HELLS: variants seen among roughly 807,000 people sequenced by gnomAD.
The protein encoded by HELLS is helicase, lymphoid specific, also known as lymphoid-specific helicase.
Under a neutral mutation model 120.0 loss-of-function variants are expected in HELLS, and 32 were observed. The observed-to-expected ratio is 0.27, with a 90% CI of 0.20 to 0.36. The LOEUF (loss-of-function observed/expected upper bound fraction) is 0.36. HELLS is among the 10% of genes least tolerant of loss of function. HELLS has a pLI of 1.00. For missense variants in HELLS, 650 were observed against 993.4 expected (o/e 0.65, Z 4.65); for synonymous variants, 341 against 323.4 (o/e 1.05, Z -0.58).
intron 10 of HELLS, 93 bp downstream of exon 10, chr10:94,576,898 A>AT (rs540746312): frequency 1.1e-3 from 1,290 of 1,168,846 alleles, no homozygotes; most frequent in South Asian, 1.6e-3. Context: ...CATTTGTCTA[A>AT]TTTTTTTTTG....
At chr10:94,597,265 A>G (rs2274417) in intron 21 of HELLS, among the ~76,000 whole-genome samples, 154 bp downstream of exon 21, 55,948 of 152,036 alleles carry the variant, frequency 0.37, 10,845 homozygotes, top group East Asian at 0.68. Flanking sequence ...AATCTCAGAC[A>G]TGACATTTTG....
At chr10:94,567,900 C>A (rs1201042734) in intron 6 of HELLS, among the ~76,000 whole-genome samples, 4 of 142,682 alleles carry the variant, frequency 2.8e-5, no homozygotes, top group African/African-American at 1.0e-4. Context: ...GAGAATGAAA[C>A]CCTGGTTTTT....
intron 1 of HELLS, 141 bp downstream of exon 1, chr10:94,546,093 C>T (rs1005693574): frequency 1.1e-5 from 11 of 1,009,514 alleles, no homozygotes; most frequent in Middle Eastern, 2.9e-4. Flanking sequence ...GAAACTGCAA[C>T]GGTGAGTGGA....
intron 12 of HELLS, among the ~76,000 whole-genome samples, chr10:94,587,651 C>T (rs560640727): frequency 6.6e-6 from 1 of 152,336 alleles, no homozygotes; most frequent in South Asian, 2.1e-4. Flanking sequence ...TGGTCTCAAA[C>T]TCTTGACCCA....
intron 2 of HELLS, among the ~76,000 whole-genome samples, chr10:94,552,457 G>A (rs1275633491): frequency 6.6e-6 from 1 of 152,088 alleles, no homozygotes; most frequent in Non-Finnish European, 1.5e-5. Context: ...CCTGAAATCT[G>A]ACTTCTCCAG....
downstream of HELLS, among the ~76,000 whole-genome samples, chr10:94,602,875 T>A (rs956674984): frequency 1.3e-5 from 2 of 152,190 alleles, no homozygotes; most frequent in Non-Finnish European, 2.9e-5. Context: ...TGACCTAGGC[T>A]TGCTTGAAAC....
chr10:94,604,624 C>T (rs1338013061), downstream of HELLS, among the ~76,000 whole-genome samples: 1 of 152,148 alleles, frequency 6.6e-6, no homozygotes, highest in Non-Finnish European at 1.5e-5. Context: ...ATTCCTACCA[C>T]CTCTCACCAC....
At chr10:94,592,025 T>C (rs1471009950) in intron 15 of HELLS, among the ~76,000 whole-genome samples, 2 of 152,196 alleles carry the variant, frequency 1.3e-5, no homozygotes, top group Admixed American at 1.3e-4. Flanking sequence ...TGTACTTTGT[T>C]TTTGTGAAAT....
intron 3 of HELLS, among the ~76,000 whole-genome samples, chr10:94,554,965 A>G (rs950313505): frequency 1.3e-5 from 2 of 151,920 alleles, no homozygotes; most frequent in African/African-American, 4.8e-5. Context: ...GCTGGGTAAT[A>G]TGGCAAAACC....
intron 12 of HELLS, among the ~76,000 whole-genome samples, chr10:94,584,865 G>A (rs1845044603): frequency 6.6e-6 from 1 of 152,020 alleles, no homozygotes. Flanking sequence ...AGTTTTGAAT[G>A]TTCTAGCAAT....
intron 3 of HELLS, among the ~76,000 whole-genome samples, chr10:94,554,644 G>GTTTTTTTTTTTTTTTTTTTTT (rs199878580): frequency 9.7e-6 from 1 of 103,072 alleles, no homozygotes. Context: ...AAGTAATAGT[G>GTTTTTTTTTTTTTTTTTTTTT]TTTTTTTTTT....
chr10:94,601,399 C>T, intron 21 of HELLS, 129 bp from the exon 22 acceptor site: 1 of 591,750 alleles, frequency 1.7e-6, no homozygotes, highest in South Asian at 1.9e-5. Flanking sequence ...AGAGAGTGCC[C>T]TGTATTACTG....
At chr10:94,557,781 T>C (rs1178332835) in intron 3 of HELLS, among the ~76,000 whole-genome samples, 2 of 152,252 alleles carry the variant, frequency 1.3e-5, no homozygotes. Context: ...ACAAAGAGAC[T>C]GTTGGGCTCT....
chr10:94,599,862 T>C (rs770814664), intron 21 of HELLS, among the ~76,000 whole-genome samples: 2 of 152,224 alleles, frequency 1.3e-5, no homozygotes, highest in Non-Finnish European at 2.9e-5. Context: ...TTATGAAACA[T>C]TGAAGGACGT....
At chr10:94,587,487 G>A (rs1335330392) in intron 12 of HELLS, among the ~76,000 whole-genome samples, 2 of 152,118 alleles carry the variant, frequency 1.3e-5, no homozygotes, top group African/African-American at 4.8e-5. Context: ...GAGTGCAGTG[G>A]CACAATCCTG....
intron 19 of HELLS, 90 bp downstream of exon 19, chr10:94,594,944 C>A (rs946412612): frequency 3.0e-6 from 3 of 1,000,136 alleles, no homozygotes; most frequent in African/African-American, 3.3e-5. Context: ...AATATTACAG[C>A]CTGGGCCGAG....
At chr10:94,574,386 G>T in intron 8 of HELLS, 168 bp from the exon 9 acceptor site, 1 of 699,978 alleles carries the variant, frequency 1.4e-6, no homozygotes, top group Non-Finnish European at 2.4e-6. Context: ...CACTTTTATG[G>T]CTTTGATAAA....
At chr10:94,571,545 T>A in intron 7 of HELLS, 116 bp downstream of exon 7, 1 of 835,172 alleles carries the variant, frequency 1.2e-6, no homozygotes, top group Non-Finnish European at 1.7e-6. Flanking sequence ...GTTTCTTTGC[T>A]TTAAAAAAAA....
chr10:94,597,382 A>T (rs1845791184), intron 21 of HELLS, among the ~76,000 whole-genome samples: 1 of 152,190 alleles, frequency 6.6e-6, no homozygotes, highest in African/African-American at 2.4e-5. Context: ...CTTAGTTAAG[A>T]ATACCAGTGC....
Sources: allele counts gnomAD v4.1 joint callset (sites outside exome capture counted in the v4.1 genomes callset), GRCh38; gene constraint gnomAD v4.1.1; transcripts MANE v1.5; gene names NCBI Gene and HGNC (gene_info 2026-07-23, HGNC 2026-07-21).